Variants in VWA3B observed in about 807,000 individuals in gnomAD.
VWA3B encodes von Willebrand factor A domain containing 3B.
A neutral mutation model predicts 158.3 loss-of-function variants in VWA3B; 138 were observed. The ratio of observed to expected loss-of-function variants is 0.87; its 90% confidence interval spans 0.76 to 1.00. The LOEUF (loss-of-function observed/expected upper bound fraction) is 1.00. Among genes scored for constraint, VWA3B ranks in the 50% least tolerant of loss-of-function variants. The probability of loss-of-function intolerance (pLI) is 0.00; values close to 1 mark genes in which losing one functional copy is unlikely to be tolerated. For synonymous variants in VWA3B, 596 were observed against 587.3 expected, an observed-to-expected ratio of 1.01 and a Z score of -0.21; for missense variants, 1,555 against 1,565.1, an observed-to-expected ratio of 0.99 and a Z score of 0.11.
At chr2:98,098,263 T>C (rs1266136583) in intron 2 of VWA3B, among the ~76,000 whole-genome samples, 1 of 152,164 alleles carries the variant, frequency 6.6e-6, no homozygotes, top group Non-Finnish European at 1.5e-5. Context: ...TAACATTTTC[T>C]GGTTGATTTT....
intron 23 of VWA3B, among the ~76,000 whole-genome samples, chr2:98,297,185 G>A (rs182069894): frequency 2.6e-5 from 4 of 151,944 alleles, no homozygotes; most frequent in African/African-American, 4.8e-5. Context: ...GGGTTCAAGC[G>A]TTTCTCCTGC....
chr2:98,091,532 C>A (rs946723489), intron 1 of VWA3B, among the ~76,000 whole-genome samples: 2 of 152,158 alleles, frequency 1.3e-5, no homozygotes, highest in African/African-American at 4.8e-5. Flanking sequence ...TTAATTAACC[C>A]CTCTCTGTCT....
chr2:98,127,952 G>T (rs1675512245), intron 5 of VWA3B, among the ~76,000 whole-genome samples: 1 of 152,152 alleles, frequency 6.6e-6, no homozygotes, highest in Non-Finnish European at 1.5e-5. Flanking sequence ...CTCCGAACCT[G>T]TGCGATATAT....
At chr2:98,186,773 C>T (rs1681101145) in intron 9 of VWA3B, among the ~76,000 whole-genome samples, 1 of 152,098 alleles carries the variant, frequency 6.6e-6, no homozygotes, top group Non-Finnish European at 1.5e-5. Context: ...CCTCGGCCGT[C>T]CAGTCTGCTT....
intron 2 of VWA3B, among the ~76,000 whole-genome samples, chr2:98,108,806 T>C (rs1223403345): frequency 6.6e-6 from 1 of 152,100 alleles, no homozygotes. Context: ...TGCCAATCTC[T>C]ATCTTTTACT....
chr2:98,282,001 A>T (rs1423535522), intron 22 of VWA3B, among the ~76,000 whole-genome samples: 5 of 152,146 alleles, frequency 3.3e-5, no homozygotes, highest in South Asian at 2.1e-4. Flanking sequence ...GGTAGTTTGC[A>T]TGTATTTTGT....
chr2:98,322,798 A>G, the VWA3B span, among the ~76,000 whole-genome samples: 1 of 152,210 alleles, frequency 6.6e-6, no homozygotes, highest in Admixed American at 6.5e-5. Flanking sequence ...TGACCACTAT[A>G]TTATGTAGGC....
chr2:98,287,285 C>T (rs1344424693), intron 22 of VWA3B, among the ~76,000 whole-genome samples: 1 of 152,120 alleles, frequency 6.6e-6, no homozygotes, highest in African/African-American at 2.4e-5. Context: ...CCACCACTAG[C>T]TTGGTGGTAC....
intron 26 of VWA3B, among the ~76,000 whole-genome samples, chr2:98,308,307 A>G (rs1010844028): frequency 1.2e-4 from 19 of 152,124 alleles, no homozygotes; most frequent in African/African-American, 4.1e-4. Context: ...CTTTCAAGAC[A>G]GTGTGTCCGA....
chr2:98,128,938 C>T (rs966763981), intron 6 of VWA3B, among the ~76,000 whole-genome samples: 7 of 152,272 alleles, frequency 4.6e-5, no homozygotes, highest in African/African-American at 1.2e-4. Context: ...CTCTGCCTCC[C>T]GGCTGAGCCG....
At position 98,219,488 on chromosome 2, in the gene VWA3B, G is replaced by A. The variant is rs77714017; in HGVS notation, c.2019+1460G>A. On this transcript the variant is annotated intron_variant, in intron 14 of 27. Transcript: ENST00000477737. ...ACAAAAAACAGAGCATCAATGAGTC[G>A]TGGAAAAATCCGATCAGTCTAATAA... Among the ~76,000 whole-genome samples the A allele has an allele frequency of 8.7e-3, 1,319 of 152,208 alleles. 14 individuals carry two copies. The highest frequency in any genetic ancestry group is 0.023 in the African/African-American group (942 of 41,528).
intron 12 of VWA3B, among the ~76,000 whole-genome samples, chr2:98,200,536 CCAT>C (rs1371214132): frequency 7.0e-4 from 90 of 129,292 alleles, no homozygotes; most frequent in African/African-American, 2.4e-3. Context: ...CAGCAAGACT[CCAT>C]CTCAAAAAAA....
intron 3 of VWA3B, among the ~76,000 whole-genome samples, chr2:98,118,506 C>G (rs183528790): frequency 6.6e-6 from 1 of 152,148 alleles, no homozygotes; most frequent in African/African-American, 2.4e-5. Context: ...CCTTCAAACA[C>G]GGGGCTTGCA....
At chr2:98,309,981 G>A (rs775236439) in intron 26 of VWA3B, among the ~76,000 whole-genome samples, 7 of 152,142 alleles carry the variant, frequency 4.6e-5, no homozygotes, top group Non-Finnish European at 7.3e-5. Context: ...AGCATGTGGT[G>A]GTGCCCTAGG....
At chr2:98,177,947 T>G (rs1306801573) in intron 8 of VWA3B, among the ~76,000 whole-genome samples, 1 of 151,946 alleles carries the variant, frequency 6.6e-6, no homozygotes, top group African/African-American at 2.4e-5. Flanking sequence ...TGAATGAAAA[T>G]TTAATTTCCT....
At position 98,286,867 on chromosome 2, in the gene VWA3B, G is replaced by A. The variant is rs567194616; in HGVS notation, c.3046-3644G>A. Among the ~76,000 whole-genome samples, 7 of 151,930 alleles carry A rather than the reference G, an allele frequency of 4.6e-5. No homozygotes were observed. In the East Asian group the frequency reaches 1.4e-3, roughly 29 times the overall value. On this transcript the variant is annotated intron_variant, in intron 22 of 27. Transcript: ENST00000477737. ...TTTCAGTTCTCCAGCCAGAAATCTG[G>A]GTTTATTAATATATACCCAGCTCAG...
At chr2:98,130,599 C>T (rs1236823368) in intron 6 of VWA3B, among the ~76,000 whole-genome samples, 2 of 152,222 alleles carry the variant, frequency 1.3e-5, no homozygotes, top group Non-Finnish European at 2.9e-5. Flanking sequence ...TCTTAACGAG[C>T]ATGCTGCCTT....
intron 24 of VWA3B, among the ~76,000 whole-genome samples, chr2:98,298,581 G>C (rs1390278816): frequency 1.3e-5 from 2 of 152,190 alleles, no homozygotes; most frequent in Non-Finnish European, 2.9e-5. Context: ...ATACCGTAAT[G>C]CACAGTTAGC....
At chr2:98,218,936 G>C (rs1432377072) in intron 14 of VWA3B, among the ~76,000 whole-genome samples, 1 of 152,172 alleles carries the variant, frequency 6.6e-6, no homozygotes, top group Non-Finnish European at 1.5e-5. Context: ...TACACAGGAG[G>C]GTCTTGCCTC....
Sources: allele counts gnomAD v4.1 joint callset (sites outside exome capture counted in the v4.1 genomes callset), GRCh38; gene constraint gnomAD v4.1.1; transcripts MANE v1.5; gene names NCBI Gene and HGNC (gene_info 2026-07-23, HGNC 2026-07-21).